Variants in HEATR6 observed in about 807,000 individuals in gnomAD.
HEATR6 encodes HEAT repeat containing 6, also known as HEAT repeat-containing protein 6.
A neutral mutation model predicts 132.8 loss-of-function variants in HEATR6; 106 were observed. That is an observed-to-expected ratio of 0.80 (90% CI 0.68 to 0.94). The LOEUF is 0.94. Ranked by LOEUF, HEATR6 falls within the 40% of genes least tolerant of loss-of-function variation. HEATR6 has a pLI of 0.00. For missense variants in HEATR6, 1,339 were observed against 1,425.1 expected (o/e 0.94, Z 0.97); for synonymous variants, 529 against 537.8 (o/e 0.98, Z 0.23).
intron 4 of HEATR6, 54 bp from the exon 5 acceptor site, chr17:60,072,383 T>C (rs1256977776): frequency 3.6e-5 from 36 of 1,004,930 alleles, no homozygotes; most frequent in Non-Finnish European, 3.5e-5. Context: ...AAATGAGGCT[T>C]GCAAAAGACT....
In HEATR6 at chr17:60,049,695, C is replaced by T; in HGVS notation, c.2432G>A (p.Arg811Lys). Residue 811 changes from arginine to lysine, a missense_variant, in exon 16 of 20, where the codon AGG becomes AAG. Arg to Lys is a conservative substitution (Grantham distance 26). Coordinates refer to ENST00000184956, the MANE Select transcript of HEATR6 (RefSeq NM_022070.5). ...PEAFSNLPND[R>K]QMLCITVLLG... ...CAGCACTGTGATGCACAGCATCTGC[C>T]TGTCATTCTGCAATGAGAAGGTTGA... The T allele has an allele frequency of 6.2e-7, 1 of 1,613,026 alleles. No individual in the cohort carries two copies. The highest frequency in any genetic ancestry group is 1.1e-5 in the South Asian group (1 of 91,056).
In HEATR6 at chr17:60,043,975, G is replaced by C. The variant is rs776404295; in HGVS notation, c.3134C>G (p.Ala1045Gly). ...ACTCTTCTGTAAAGCGGTGACCAAT[G>C]CATTCCAGATCCGAGCATACTGGTC... is the stretch of plus-strand genomic sequence containing the variant. ...SVDQYARIWN[A>G]LVTALQKSED... Residue 1045 changes from alanine (A) to glycine (G), a missense_variant, in exon 20 of 20, where the codon GCA (alanine) becomes GGA (glycine). By Grantham distance (60) the Ala-to-Gly change is moderately conservative. Coordinates refer to ENST00000184956, the MANE Select transcript of HEATR6 (RefSeq NM_022070.5). 5.6e-6 allele frequency: 9 copies of C among 1,614,050 alleles called. No individual in the cohort carries two copies. Among genetic ancestry groups the C allele is most frequent in the Non-Finnish European group, 7.6e-6 (9 of 1,180,022 alleles).
chr17:60,076,968 G>A (rs1289002578), intron 1 of HEATR6, among the ~76,000 whole-genome samples: 1 of 150,328 alleles, frequency 6.7e-6, no homozygotes, highest in Non-Finnish European at 1.5e-5. Flanking sequence ...AAAAAAGAGG[G>A]ACCTATTTGC....
In HEATR6 at chr17:60,078,789, C is replaced by CGGGCGCA. The variant is rs754540008; in HGVS notation, c.119_125dup (p.Asp43AlafsTer4). ...CGGTGCGGGCGGAGCTGCTGTCATCCGGGCGCAGGGCGCAGAGCCTGGCAG... is the reference window on the plus strand; with the variant it reads ...CGGTGCGGGCGGAGCTGCTGTCATCCGGGCGCAGGGCGCAGGGCGCAGAGCCTGGCAG... On this transcript the variant is annotated frameshift_variant, in exon 1 of 20. Coordinates refer to ENST00000184956, the MANE Select transcript of HEATR6 (RefSeq NM_022070.5). LOFTEE classifies it high-confidence loss of function. 2 of 1,590,414 alleles carry CGGGCGCA rather than the reference C, an allele frequency of 1.3e-6. No homozygotes were observed. Among genetic ancestry groups the CGGGCGCA allele is most frequent in the Non-Finnish European group, 8.6e-7 (1 of 1,169,328 alleles).
chr17:60,076,048 C>T, intron 2 of HEATR6, 82 bp downstream of exon 2: 1 of 786,596 alleles, frequency 1.3e-6, no homozygotes, highest in Non-Finnish European at 2.2e-6. Context: ...CCTATCATAC[C>T]TACTACAGAT....
In HEATR6 at chr17:60,059,980, C is replaced by T; in HGVS notation, c.1533G>A (p.Met511Ile). ...GCAACTCTCTAATGCTGCAAGCGATCATTACGGAGAAGGGGGTAAAAGCCC... is the reference window on the plus strand; with the variant it reads ...GCAACTCTCTAATGCTGCAAGCGATTATTACGGAGAAGGGGGTAAAAGCCC... The part of the protein sequence containing the change: ...HRRAFTPFSV[M>I]IACSIRELHR... Residue 511 changes from methionine to isoleucine, a missense_variant, in exon 10 of 20, where the codon ATG becomes ATA. Met to Ile is a conservative substitution (Grantham distance 10). Transcript: ENST00000184956. 1 of 1,613,914 alleles carries T rather than the reference C, an allele frequency of 6.2e-7. No homozygotes were observed. Among genetic ancestry groups the T allele is most frequent in the Non-Finnish European group, 8.5e-7 (1 of 1,179,856 alleles).
At chr17:60,063,643 C>A in intron 9 of HEATR6, 1 of 164,442 alleles carries the variant, frequency 6.1e-6, no homozygotes, top group Non-Finnish European at 1.4e-5. Flanking sequence ...TTATTGTTGG[C>A]ATTCTGACTG....
At chr17:60,050,443 C>A (rs980292391) in intron 15 of HEATR6, among the ~76,000 whole-genome samples, 1 of 152,154 alleles carries the variant, frequency 6.6e-6, no homozygotes, top group African/African-American at 2.4e-5. Flanking sequence ...AGTATTTTCA[C>A]ATACTTGTTA....
Position 60,072,823 on chromosome 17 carries a change from A to G in HEATR6, c.584+341T>C, listed in dbSNP as rs570172229. On this transcript the variant is annotated intron_variant, in intron 4 of 19. Transcript: ENST00000184956. ...AAAGAAAAGAAATTGCCCTTTACAG[A>G]TACATCTCACCAGCACTTAAAATTT... Among the ~76,000 whole-genome samples the G allele has an allele frequency of 8.8e-4, 134 of 152,324 alleles. No individual in the cohort carries two copies. The Middle Eastern group carries it at 0.01, about 12-fold the overall frequency.
At chr17:60,065,933 C>G (rs1292439042) in intron 9 of HEATR6, among the ~76,000 whole-genome samples, 1 of 152,240 alleles carries the variant, frequency 6.6e-6, no homozygotes, top group East Asian at 1.9e-4. Flanking sequence ...AGCACAGCTG[C>G]TTCAGTGCAG....
intron 3 of HEATR6, 147 bp downstream of exon 3, chr17:60,073,599 A>G: frequency 1.4e-6 from 1 of 716,414 alleles, no homozygotes; most frequent in South Asian, 1.9e-5. Flanking sequence ...CCTCAGAGTA[A>G]CTATTTTATA....
intron 14 of HEATR6, among the ~76,000 whole-genome samples, chr17:60,053,174 C>T (rs1847508177): frequency 6.6e-6 from 1 of 152,114 alleles, no homozygotes; most frequent in South Asian, 2.1e-4. Flanking sequence ...CTGTTATTCA[C>T]ACGAGAGCTA....
intron 7 of HEATR6, 104 bp from the exon 8 acceptor site, chr17:60,067,836 A>G (rs2083250624): frequency 6.6e-6 from 6 of 902,378 alleles, no homozygotes; most frequent in African/African-American, 1.7e-5. Context: ...TGTCCCCAAC[A>G]TGTAGTTTAA....
rs889856111 is a variant in HEATR6 at position 60,042,342 on chromosome 17, C to T, written c.*1221G>A. Among the ~76,000 whole-genome samples the T allele has an allele frequency of 1.3e-5, 2 of 152,014 alleles. No individual in the cohort carries two copies. The highest frequency in any genetic ancestry group is 2.4e-5 in the African/African-American group (1 of 41,432). On this transcript the variant is annotated 3_prime_UTR_variant, in exon 20 of 20. Transcript: ENST00000184956. ...GCAGCAGCTCATCAGCTGTGAGGCA[C>T]CGTCAGCATCCTTGCGTCCTGTGTG...
At chr17:60,046,598 G>A (rs1906375458) in intron 18 of HEATR6, among the ~76,000 whole-genome samples, 1 of 152,164 alleles carries the variant, frequency 6.6e-6, no homozygotes, top group African/African-American at 2.4e-5. Flanking sequence ...CTAGACTAGA[G>A]TCTCAACCTC....
At chr17:60,070,405 T>A (rs1309025848) in intron 6 of HEATR6, among the ~76,000 whole-genome samples, 1 of 152,166 alleles carries the variant, frequency 6.6e-6, no homozygotes, top group Non-Finnish European at 1.5e-5. Flanking sequence ...CACTGGCTCT[T>A]CTTGTACAAA....
intron 9 of HEATR6, among the ~76,000 whole-genome samples, chr17:60,065,301 C>T (rs1191919982): frequency 6.6e-6 from 1 of 152,152 alleles, no homozygotes; most frequent in Non-Finnish European, 1.5e-5. Flanking sequence ...CAGAAATTTT[C>T]TTATATAGTA....
At chr17:60,070,615 T>C in intron 6 of HEATR6, 91 bp downstream of exon 6, 1 of 607,524 alleles carries the variant, frequency 1.6e-6, no homozygotes, top group Non-Finnish European at 2.9e-6. Context: ...TTTTAATACC[T>C]CAAAGTTAGC....
chr17:60,049,618 C>A lies in HEATR6; in HGVS notation c.2509G>T (p.Ala837Ser). ...GGAAAAAGCACATAGACTCCCAGGGCCCGTGAAGTTGCAGCTTTCACTAAG... is the reference window on the plus strand; with the variant it reads ...GGAAAAAGCACATAGACTCCCAGGGACCGTGAAGTTGCAGCTTTCACTAAG... ...NRLVKAATSR[A>S]LGVYVLFPCL... The change falls in exon 16 of 20, where the codon GCC becomes TCC. Residue 837 changes from alanine to serine, a missense_variant. Ala to Ser is a moderately conservative substitution (Grantham distance 99). Transcript: ENST00000184956. 3 of 1,613,966 alleles carry A rather than the reference C, an allele frequency of 1.9e-6. No individual in the cohort carries two copies. Among genetic ancestry groups the A allele is most frequent in the Non-Finnish European group, 2.5e-6 (3 of 1,179,854 alleles).
Sources: allele counts gnomAD v4.1 joint callset (sites outside exome capture counted in the v4.1 genomes callset), GRCh38; gene constraint gnomAD v4.1.1; transcripts MANE v1.5; gene names NCBI Gene and HGNC (gene_info 2026-07-23, HGNC 2026-07-21).